The following BCAS3 variants were observed in gnomAD, a reference collection of about 807,000 sequenced individuals.
BCAS3 encodes BCAS3 microtubule associated cell migration factor.
In BCAS3, 53 loss-of-function variants were observed where a neutral mutation model predicts 116.1. That is an observed-to-expected ratio of 0.46 (90% confidence interval 0.37 to 0.57). The LOEUF is 0.57. BCAS3 is among the 20% of genes least tolerant of loss of function. The pLI, the probability that BCAS3 is intolerant of heterozygous loss-of-function variation, is 0.00. For synonymous variants in BCAS3, 391 were observed against 408.2 expected, an observed-to-expected ratio of 0.96 and a Z score of 0.51; for missense variants, 917 against 1,165.4, an observed-to-expected ratio of 0.79 and a Z score of 3.10.
At chr17:60,968,515 A>G in intron 14 of BCAS3, among the ~76,000 whole-genome samples, 1 of 151,806 alleles carries the variant, frequency 6.6e-6, no homozygotes, top group East Asian at 1.9e-4. Flanking sequence ...AATTACAAGC[A>G]TGAGGCAGCG....
chr17:61,225,382 G>A (rs57025977), intron 22 of BCAS3, among the ~76,000 whole-genome samples: 2,163 of 152,156 alleles, frequency 0.014, 38 homozygotes, highest in African/African-American at 0.05. Flanking sequence ...TTTAGCCGGT[G>A]GATACTATGT....
chr17:60,976,920 G>A (rs367768246), intron 14 of BCAS3, among the ~76,000 whole-genome samples: 12 of 152,052 alleles, frequency 7.9e-5, no homozygotes, highest in African/African-American at 2.7e-4. Context: ...AACCGCCATC[G>A]TCATCATGGC....
At chr17:60,894,550 G>T (rs1056344147) in intron 10 of BCAS3, among the ~76,000 whole-genome samples, 1 of 152,140 alleles carries the variant, frequency 6.6e-6, no homozygotes, top group Non-Finnish European at 1.5e-5. Flanking sequence ...CAATTTGGAT[G>T]CCTTTTCTTT....
chr17:61,014,322 T>C (rs2065300226), intron 15 of BCAS3, among the ~76,000 whole-genome samples: 3 of 151,976 alleles, frequency 2.0e-5, no homozygotes, highest in African/African-American at 7.2e-5. Flanking sequence ...TTAATAAGAC[T>C]CACTAGAAAA....
At chr17:61,152,953 CT>C (rs2077621644) in intron 22 of BCAS3, among the ~76,000 whole-genome samples, 1 of 152,136 alleles carries the variant, frequency 6.6e-6, no homozygotes, top group African/African-American at 2.4e-5. Context: ...TTTCTACTTC[CT>C]TCTTTTGAAA....
At chr17:61,238,706 G>A (rs1464286619) in intron 22 of BCAS3, among the ~76,000 whole-genome samples, 1 of 151,994 alleles carries the variant, frequency 6.6e-6, no homozygotes, top group African/African-American at 2.4e-5. Context: ...CAGTTTCCAC[G>A]GGGTGTCTTC....
rs564177610 is a variant in BCAS3 at position 61,354,389 on chromosome 17, G to T, written c.2426-13938G>T. 5.9e-5 allele frequency: 9 copies of T among 152,326 alleles called. No individual in the cohort carries two copies. The highest frequency in any genetic ancestry group is 2.2e-4 in the African/African-American group (9 of 41,570). The allele number at this position is 152,326 out of a possible 1,614,324, so 9.4% of individuals were successfully genotyped here. A position where few individuals can be genotyped will look rare whatever the true frequency, so the allele number is the denominator to read the frequency against. ...GACTCTTCCACCGCCCTTGAGTGGG[G>T]AACATCCAGGCCTTCACACTCACGC... is the stretch of plus-strand genomic sequence containing the variant. On this transcript the variant is annotated intron_variant, in intron 22 of 23. Transcript: ENST00000407086. This position sits in a 1 kb window ranked among gnomAD's most constrained non-coding sequence, Gnocchi z 4.5.
chr17:60,885,816 T>C (rs1221742086), intron 9 of BCAS3, among the ~76,000 whole-genome samples: 3 of 145,244 alleles, frequency 2.1e-5, no homozygotes, highest in Admixed American at 2.0e-4. Context: ...AGAGATCTGC[T>C]GTTAGTCTGA....
intron 14 of BCAS3, among the ~76,000 whole-genome samples, chr17:60,973,537 G>C (rs1174020940): frequency 1.3e-5 from 2 of 150,726 alleles, no homozygotes; most frequent in African/African-American, 4.9e-5. Flanking sequence ...TTTTTCGTCA[G>C]TGCTCTCTGC....
At chr17:61,160,403 G>A (rs60550378) in intron 22 of BCAS3, among the ~76,000 whole-genome samples, 11 of 151,802 alleles carry the variant, frequency 7.2e-5, no homozygotes, top group East Asian at 1.9e-4. Flanking sequence ...CGGAATTTCC[G>A]AGCACTGATC....
chr17:61,147,081 AT>A (rs1391660096), intron 22 of BCAS3, among the ~76,000 whole-genome samples: 33 of 146,298 alleles, frequency 2.3e-4, no homozygotes, highest in Non-Finnish European at 2.3e-4. Context: ...TGCCTGGCTA[AT>A]TTTTTTTTTT....
At position 61,215,829 on chromosome 17, in the gene BCAS3, G is replaced by T. The variant is rs568327921; in HGVS notation, c.2425+131265G>T. Among the ~76,000 whole-genome samples, 2 of 152,176 alleles carry T rather than the reference G, an allele frequency of 1.3e-5. No individual in the cohort carries two copies. The highest frequency in any genetic ancestry group is 4.8e-5 in the African/African-American group (2 of 41,444). On this transcript the variant is annotated intron_variant, in intron 22 of 23. Transcript: ENST00000407086. This position sits in a 1 kb window ranked among gnomAD's most constrained non-coding sequence, Gnocchi z 4.8. ...AGACCTTTTAAAAATTCCAGTTGAAGTTGGAGCTTAGGCATCAGTATTTTT... is the reference window on the plus strand; with the variant it reads ...AGACCTTTTAAAAATTCCAGTTGAATTTGGAGCTTAGGCATCAGTATTTTT...
In BCAS3 at chr17:61,026,342, A is replaced by G. The variant is rs1417010356; in HGVS notation, c.1638-8324A>G. ...TACTTAGTGTTTTTTCCTTTGACCA[A>G]CAATATACAATTCAACTTACGACAA... On this transcript the variant is annotated intron_variant, in intron 16 of 23. Coordinates refer to ENST00000407086, the MANE Select transcript of BCAS3 (RefSeq NM_017679.5). This position sits in a 1 kb window ranked among gnomAD's most constrained non-coding sequence, Gnocchi z 5.0. Among the ~76,000 whole-genome samples, 1 of 152,082 alleles carries G rather than the reference A, an allele frequency of 6.6e-6. No homozygotes were observed. The highest frequency in any genetic ancestry group is 2.4e-5 in the African/African-American group (1 of 41,448).
intron 22 of BCAS3, among the ~76,000 whole-genome samples, chr17:61,115,842 A>G (rs1420876637): frequency 1.3e-5 from 2 of 151,484 alleles, no homozygotes; most frequent in Non-Finnish European, 1.5e-5. Flanking sequence ...GAACCAACCC[A>G]AATGTCCAAC....
At chr17:61,125,213 C>T (rs546509662) in intron 22 of BCAS3, among the ~76,000 whole-genome samples, 2 of 152,204 alleles carry the variant, frequency 1.3e-5, no homozygotes, top group Non-Finnish European at 2.9e-5. Flanking sequence ...ATACTTCATA[C>T]TGGTTTGGGC....
At chr17:61,345,881 C>A (rs1246524015) in intron 22 of BCAS3, among the ~76,000 whole-genome samples, 9 of 152,070 alleles carry the variant, frequency 5.9e-5, no homozygotes, top group Non-Finnish European at 1.2e-4. Flanking sequence ...GTGGGAGAGA[C>A]AAATAGGAAG....
chr17:60,992,520 C>A (rs1357452957), intron 15 of BCAS3, among the ~76,000 whole-genome samples: 1 of 152,020 alleles, frequency 6.6e-6, no homozygotes, highest in Non-Finnish European at 1.5e-5. Context: ...ACACTGGGGA[C>A]TCCTGGAGGG....
intron 6 of BCAS3, among the ~76,000 whole-genome samples, chr17:60,754,545 T>C (rs2042807749): frequency 6.6e-6 from 1 of 150,950 alleles, no homozygotes. Context: ...CCTGATGTTT[T>C]TTACATTAAT....
intron 22 of BCAS3, among the ~76,000 whole-genome samples, chr17:61,257,148 G>C (rs1382462099): frequency 6.6e-6 from 1 of 152,072 alleles, no homozygotes; most frequent in Non-Finnish European, 1.5e-5. Flanking sequence ...CTGGCCAGGC[G>C]TGGTGGCTCA....
Sources: allele counts gnomAD v4.1 joint callset (sites outside exome capture counted in the v4.1 genomes callset), GRCh38; gene constraint gnomAD v4.1.1; non-coding constraint Gnocchi (gnomAD v3.1); transcripts MANE v1.5; gene names NCBI Gene and HGNC (gene_info 2026-07-23, HGNC 2026-07-21).